The following CADM2 variants were observed in gnomAD, a reference collection of about 807,000 sequenced individuals.
The protein encoded by CADM2 is immunoglobulin superfamily member 4D.
In CADM2, 12 loss-of-function variants were observed where a neutral mutation model predicts 49.8. That is an observed-to-expected ratio of 0.24 (90% CI 0.15 to 0.39). The LOEUF (loss-of-function observed/expected upper bound fraction) is 0.39, where lower values mean the gene tolerates loss of function less well. Among genes scored for constraint, CADM2 ranks in the 10% least tolerant of loss-of-function variants. CADM2 has a pLI of 1.00. For synonymous variants in CADM2, 214 were observed against 175.4 expected, an observed-to-expected ratio of 1.22 and a Z score of -1.74; for missense variants, 378 against 492.3, an observed-to-expected ratio of 0.77 and a Z score of 2.20.
At chr3:85,905,577 T>A (rs914731361) in intron 5 of CADM2, among the ~76,000 whole-genome samples, 2 of 151,136 alleles carry the variant, frequency 1.3e-5, no homozygotes, top group Non-Finnish European at 3.0e-5. Flanking sequence ...CTAAAACCTA[T>A]AGAGAAATAT....
At chr3:85,150,439 T>C (rs548687617) in intron 1 of CADM2, among the ~76,000 whole-genome samples, 1 of 152,336 alleles carries the variant, frequency 6.6e-6, no homozygotes. Context: ...GTCATTTACA[T>C]TTCTCCAGTA....
intron 7 of CADM2, among the ~76,000 whole-genome samples, chr3:85,952,872 C>A (rs547966794): frequency 6.6e-6 from 1 of 150,862 alleles, no homozygotes; most frequent in South Asian, 2.1e-4. Context: ...CATTAATTTT[C>A]TTAAAGGAAA....
At chr3:85,389,539 A>T (rs1210169347) in intron 1 of CADM2, among the ~76,000 whole-genome samples, 2 of 152,130 alleles carry the variant, frequency 1.3e-5, no homozygotes, top group East Asian at 3.9e-4. Context: ...TAAATATTTG[A>T]TATATACCAT....
intron 1 of CADM2, among the ~76,000 whole-genome samples, chr3:85,304,584 A>G (rs1273971832): frequency 2.0e-5 from 3 of 151,832 alleles, no homozygotes; most frequent in Non-Finnish European, 4.4e-5. Context: ...TTTCCACAGG[A>G]AAAGGACGGA....
chr3:86,063,616 T>G (rs1442362707), intron 8 of CADM2, among the ~76,000 whole-genome samples: 1 of 152,136 alleles, frequency 6.6e-6, no homozygotes, highest in Non-Finnish European at 1.5e-5. Context: ...TTCAGCAAGT[T>G]TAGGTGTCTA....
At chr3:85,897,990 G>T (rs1162040343) in intron 5 of CADM2, among the ~76,000 whole-genome samples, 2 of 151,912 alleles carry the variant, frequency 1.3e-5, no homozygotes, top group African/African-American at 2.4e-5. Context: ...TTTGAAAGTG[G>T]CCTTGCCATT....
At chr3:85,549,125 G>T (rs1005361934) in intron 1 of CADM2, among the ~76,000 whole-genome samples, 2 of 152,052 alleles carry the variant, frequency 1.3e-5, no homozygotes, top group Non-Finnish European at 2.9e-5. Flanking sequence ...AGTCTCAAGG[G>T]GTCAGTATTA....
At chr3:85,818,514 T>G (rs1298444661) in intron 3 of CADM2, among the ~76,000 whole-genome samples, 1 of 152,192 alleles carries the variant, frequency 6.6e-6, no homozygotes, top group East Asian at 1.9e-4. Context: ...TGCATTTCTA[T>G]TTTGTTTATT....
At chr3:85,200,392 T>C (rs1413238593) in intron 1 of CADM2, among the ~76,000 whole-genome samples, 1 of 152,112 alleles carries the variant, frequency 6.6e-6, no homozygotes, top group Admixed American at 6.5e-5. Context: ...TAACTTGGTA[T>C]GTGAAGCTAA....
At chr3:85,835,418 G>A (rs990900574) in intron 3 of CADM2, among the ~76,000 whole-genome samples, 1 of 150,268 alleles carries the variant, frequency 6.7e-6, no homozygotes, top group East Asian at 2.0e-4. Context: ...AAGCTCACAT[G>A]GGCATTTTTC....
chr3:85,360,332 T>G (rs1406523896), intron 1 of CADM2, among the ~76,000 whole-genome samples: 1 of 152,094 alleles, frequency 6.6e-6, no homozygotes, highest in Non-Finnish European at 1.5e-5. Flanking sequence ...ATATGTTCTA[T>G]CCTATCAAAA....
chr3:85,484,981 A>G (rs965327752), intron 1 of CADM2, among the ~76,000 whole-genome samples: 5 of 151,980 alleles, frequency 3.3e-5, no homozygotes, highest in African/African-American at 1.2e-4. Flanking sequence ...AACAACCACA[A>G]ACCCCTGTCA....
At chr3:85,320,584 T>A (rs2107100222) in intron 1 of CADM2, among the ~76,000 whole-genome samples, 1 of 152,294 alleles carries the variant, frequency 6.6e-6, no homozygotes, top group East Asian at 1.9e-4. Flanking sequence ...GCCAACAGAC[T>A]TTCACTTTGC....
At position 85,107,551 on chromosome 3, in the gene CADM2, CTCTT is replaced by C. The variant is rs1575881183; in HGVS notation, c.61+147892_61+147895del. Among the ~76,000 whole-genome samples, 7 of 149,024 alleles carry C rather than the reference CTCTT, an allele frequency of 4.7e-5. No homozygotes were observed. In the East Asian group the frequency reaches 7.8e-4, roughly 17 times the overall value. On this transcript the variant is annotated intron_variant, in intron 1 of 9. Transcript: ENST00000383699. ...GCAGCCTCTGTGGAAAACAGTGTGA[CTCTT>C]TCTTTCTTCTCTCTTTCTCTCTTTC...
chr3:85,969,700 T>A (rs1462481446), intron 8 of CADM2, among the ~76,000 whole-genome samples: 1 of 151,212 alleles, frequency 6.6e-6, no homozygotes, highest in African/African-American at 2.4e-5. Flanking sequence ...CACACTAGAC[T>A]ATGACCTCCT....
chr3:86,039,555 T>G (rs1172986899), intron 8 of CADM2, among the ~76,000 whole-genome samples: 1 of 152,108 alleles, frequency 6.6e-6, no homozygotes, highest in East Asian at 1.9e-4. Context: ...CACCATTGCC[T>G]AGGCTTCAGT....
At chr3:85,549,996 T>C (rs1325932105) in intron 1 of CADM2, among the ~76,000 whole-genome samples, 2 of 152,126 alleles carry the variant, frequency 1.3e-5, no homozygotes, top group African/African-American at 4.8e-5. Context: ...CATGTATTTG[T>C]ATATGTCAGA....
chr3:85,997,687 GTT>G (rs1291894572), intron 8 of CADM2, among the ~76,000 whole-genome samples: 14 of 152,118 alleles, frequency 9.2e-5, no homozygotes, highest in Non-Finnish European at 2.9e-5. Flanking sequence ...AAAAGATGAT[GTT>G]TTCACGTTTC....
Position 85,212,630 on chromosome 3 carries a change from A to G in CADM2, c.61+252962A>G, listed in dbSNP as rs113167100. On this transcript the variant is annotated intron_variant, in intron 1 of 9. Coordinates refer to ENST00000383699, the MANE Select transcript of CADM2 (RefSeq NM_001167675.2). ...TCTAAATTTTCTGTTGCATCTATTT[A>G]TATGTTATTTTACTATGTCTTGAAA... Among the ~76,000 whole-genome samples the G allele has an allele frequency of 6.9e-3, 1,054 of 152,022 alleles. 10 individuals are homozygous for G. Among genetic ancestry groups the G allele is most frequent in the African/African-American group, 0.023 (964 of 41,496 alleles).
Sources: gnomAD v4.1 joint callset for allele counts (sites outside exome capture counted in the v4.1 genomes callset) on GRCh38, gnomAD v4.1.1 for gene constraint, MANE v1.5 for transcripts, NCBI Gene and HGNC (gene_info 2026-07-23, HGNC 2026-07-21) for gene names.